Variants in CDH18 observed in about 807,000 individuals in gnomAD.
CDH18 encodes cadherin-18.
CDH18 carries 31 observed loss-of-function variants against 67.9 expected under a neutral mutation model. The ratio of observed to expected loss-of-function variants is 0.46; its 90% CI spans 0.34 to 0.62. The LOEUF (loss-of-function observed/expected upper bound fraction) is 0.62, where lower values mean the gene tolerates loss of function less well. CDH18 is among the 20% of genes least tolerant of loss of function. CDH18 has a pLI of 0.01. For missense variants in CDH18, 890 were observed against 975.5 expected (o/e 0.91, Z 1.17); for synonymous variants, 362 against 347.2 (o/e 1.04, Z -0.48).
chr5:20,471,557 T>G (rs1017483370), intron 1 of CDH18, among the ~76,000 whole-genome samples: 2 of 151,928 alleles, frequency 1.3e-5, no homozygotes, highest in Non-Finnish European at 2.9e-5. Flanking sequence ...ATCCCAGCAC[T>G]TTGGGAGGCC....
intron 1 of CDH18, among the ~76,000 whole-genome samples, chr5:20,528,057 A>G (rs1756174692): frequency 6.6e-6 from 1 of 152,066 alleles, no homozygotes; most frequent in Non-Finnish European, 1.5e-5. Flanking sequence ...AAATAAAGGG[A>G]TGGAGGAAAA....
chr5:19,685,563 C>A (rs570325830), intron 5 of CDH18, among the ~76,000 whole-genome samples: 5 of 152,134 alleles, frequency 3.3e-5, no homozygotes, highest in Admixed American at 2.6e-4. Context: ...AGGATTTTTT[C>A]CCCATCTCTT....
chr5:19,551,867 G>A (rs1368194817), intron 8 of CDH18, among the ~76,000 whole-genome samples: 1 of 152,070 alleles, frequency 6.6e-6, no homozygotes, highest in Non-Finnish European at 1.5e-5. Flanking sequence ...TTAATTTACT[G>A]CTTAATTCAC....
At chr5:19,963,182 T>C (rs1490631168) in intron 2 of CDH18, among the ~76,000 whole-genome samples, 1 of 152,130 alleles carries the variant, frequency 6.6e-6, no homozygotes, top group Non-Finnish European at 1.5e-5. Flanking sequence ...TTACATACCG[T>C]CATAATTTTA....
At chr5:20,142,130 C>A (rs897065569) in intron 2 of CDH18, among the ~76,000 whole-genome samples, 1 of 151,944 alleles carries the variant, frequency 6.6e-6, no homozygotes, top group Non-Finnish European at 1.5e-5. Context: ...GATTTGTGGT[C>A]TCATCAAAAG....
chr5:19,488,833 T>C (rs907330380), intron 11 of CDH18, among the ~76,000 whole-genome samples: 4 of 152,240 alleles, frequency 2.6e-5, no homozygotes, highest in Non-Finnish European at 5.9e-5. Context: ...CGAAGGTTTA[T>C]TTCTTCGTAT....
chr5:20,123,497 C>T (rs1442662507), intron 2 of CDH18, among the ~76,000 whole-genome samples: 1 of 152,126 alleles, frequency 6.6e-6, no homozygotes, highest in East Asian at 1.9e-4. Context: ...GCTGATAACT[C>T]CCCCACATTC....
At chr5:20,111,546 C>CTTTTTTTTTT (rs760458451) in intron 2 of CDH18, among the ~76,000 whole-genome samples, 1 of 51,940 alleles carries the variant, frequency 1.9e-5, no homozygotes, top group Non-Finnish European at 4.1e-5. Context: ...TTCCTTCTTT[C>CTTTTTTTTTT]TTTTTTTTTT....
At chr5:20,010,419 G>A (rs968647768) in intron 2 of CDH18, among the ~76,000 whole-genome samples, 1 of 151,872 alleles carries the variant, frequency 6.6e-6, no homozygotes, top group African/African-American at 2.4e-5. Flanking sequence ...ATGTTGGCCA[G>A]GCTGTTCTTG....
At chr5:20,118,787 T>C (rs1024844953) in intron 2 of CDH18, among the ~76,000 whole-genome samples, 4 of 152,088 alleles carry the variant, frequency 2.6e-5, no homozygotes, top group South Asian at 2.1e-4. Context: ...CTAGAGCAAA[T>C]GTCTGTACAA....
chr5:20,473,058 A>G (rs570168469), intron 1 of CDH18, among the ~76,000 whole-genome samples: 2 of 152,306 alleles, frequency 1.3e-5, no homozygotes, highest in East Asian at 3.9e-4. Context: ...ACAGTTTTAC[A>G]GTAAGGAATA....
chr5:20,209,792 G>C (rs778058565), intron 2 of CDH18, among the ~76,000 whole-genome samples: 1 of 148,202 alleles, frequency 6.7e-6, no homozygotes, highest in Non-Finnish European at 1.5e-5. Flanking sequence ...AAAAACTGAA[G>C]ATACTGGGGA....
At chr5:19,749,953 C>A (rs1770621199) in intron 3 of CDH18, among the ~76,000 whole-genome samples, 1 of 151,636 alleles carries the variant, frequency 6.6e-6, no homozygotes, top group East Asian at 1.9e-4. Context: ...TTTTGGATAA[C>A]CTTACACCAA....
intron 2 of CDH18, among the ~76,000 whole-genome samples, chr5:20,067,862 A>AT (rs891295610): frequency 2.0e-5 from 3 of 151,858 alleles, no homozygotes; most frequent in Admixed American, 6.6e-5. Context: ...TTTGGCAAGA[A>AT]TTTTTTTTCT....
chr5:20,354,948 A>T (rs1741488537), intron 1 of CDH18, among the ~76,000 whole-genome samples: 1 of 152,134 alleles, frequency 6.6e-6, no homozygotes, highest in South Asian at 2.1e-4. Context: ...CTCCAAGACA[A>T]TATCTGACCA....
chr5:19,538,522 A>G (rs1488415578), intron 9 of CDH18, among the ~76,000 whole-genome samples: 1 of 152,186 alleles, frequency 6.6e-6, no homozygotes, highest in Non-Finnish European at 1.5e-5. Flanking sequence ...TGTCATCTTT[A>G]CATTTGTAAG....
intron 2 of CDH18, among the ~76,000 whole-genome samples, chr5:20,092,864 A>G (rs1479127691): frequency 6.6e-6 from 1 of 152,200 alleles, no homozygotes; most frequent in African/African-American, 2.4e-5. Flanking sequence ...AATATGGTTC[A>G]TAGATGTTAA....
At position 19,607,646 on chromosome 5, in the gene CDH18, T is replaced by C. The variant is rs75576280; in HGVS notation, c.811+4788A>G. Among the ~76,000 whole-genome samples, 225 of 151,490 alleles carry C rather than the reference T, an allele frequency of 1.5e-3. 8 individuals are homozygous for C. In the East Asian group the frequency reaches 0.039, roughly 26 times the overall value. ...AAACTATATCAGTAATTAAGATACT[T>C]ATAAGTGTAGTAAATCAACAAAAGC... is the stretch of plus-strand genomic sequence containing the variant. On this transcript the variant is annotated intron_variant, in intron 6 of 12. Coordinates refer to ENST00000382275, the MANE Select transcript of CDH18 (RefSeq NM_004934.5).
chr5:19,587,914 C>T (rs1281311614), intron 7 of CDH18, among the ~76,000 whole-genome samples: 1 of 152,054 alleles, frequency 6.6e-6, no homozygotes, highest in East Asian at 1.9e-4. Flanking sequence ...TTCTTCCTAT[C>T]CATGAGCATG....
Sources: gnomAD v4.1 joint callset for allele counts (sites outside exome capture counted in the v4.1 genomes callset) on GRCh38, gnomAD v4.1.1 for gene constraint, MANE v1.5 for transcripts, NCBI Gene and HGNC (gene_info 2026-07-23, HGNC 2026-07-21) for gene names.